The following NFKB1 variants were observed in gnomAD, a reference collection of about 807,000 sequenced individuals.
NFKB1 encodes nuclear factor kappa B subunit 1.
In NFKB1, 9 loss-of-function variants were observed where a neutral mutation model predicts 105.1. That is an observed-to-expected ratio of 0.09 (90% CI 0.05 to 0.15). The LOEUF (loss-of-function observed/expected upper bound fraction) is 0.15, where lower values mean the gene tolerates loss of function less well. NFKB1 is among the 10% of genes least tolerant of loss of function. The pLI is 1.00. For missense variants in NFKB1, 830 were observed against 1,203.7 expected (o/e 0.69, Z 4.59); for synonymous variants, 440 against 442.2 (o/e 1.00, Z 0.06).
intron 8 of NFKB1, among the ~76,000 whole-genome samples, chr4:102,580,140 T>G (rs1172479797): frequency 6.6e-6 from 1 of 152,212 alleles, no homozygotes; most frequent in Non-Finnish European, 1.5e-5. Flanking sequence ...CCTAAAGTTT[T>G]TAGGACTCTT....
intron 16 of NFKB1, among the ~76,000 whole-genome samples, chr4:102,602,690 T>C (rs1263685313): frequency 6.6e-6 from 1 of 152,190 alleles, no homozygotes; most frequent in East Asian, 1.9e-4. Flanking sequence ...TCAATATAAG[T>C]CACCATTAGG....
In NFKB1 at chr4:102,613,997, G is replaced by A. The variant is rs929593989; in HGVS notation, c.2749+416G>A. Among the ~76,000 whole-genome samples the A allele has an allele frequency of 9.2e-5, 14 of 152,064 alleles. No individual in the cohort carries two copies. The South Asian group carries it at 1.9e-3, about 20-fold the overall frequency. ...TACGTGTCATGCCACCAAAAGTCTC[G>A]CAACCATATGAAATGGACTCTCAAC... On this transcript the variant is annotated intron_variant, in intron 23 of 23. Transcript: ENST00000226574.
chr4:102,527,124 A>G (rs1004896055), intron 2 of NFKB1, among the ~76,000 whole-genome samples: 1 of 152,188 alleles, frequency 6.6e-6, no homozygotes, highest in Non-Finnish European at 1.5e-5. Context: ...ACATTGGCTT[A>G]GTGGGGAAAA....
chr4:102,567,218 C>T, intron 6 of NFKB1, 83 bp downstream of exon 6: 1 of 1,420,396 alleles, frequency 7.0e-7, no homozygotes, highest in Non-Finnish European at 9.7e-7. Flanking sequence ...AGGCCCCTTT[C>T]ATTAGGGACC....
intron 12 of NFKB1, among the ~76,000 whole-genome samples, chr4:102,594,127 G>T (rs746755120): frequency 6.6e-5 from 10 of 152,146 alleles, no homozygotes; most frequent in Non-Finnish European, 1.3e-4. Flanking sequence ...TTTGCACCAT[G>T]ACTGTGTGTA....
intron 1 of NFKB1, among the ~76,000 whole-genome samples, chr4:102,502,320 A>C (rs777876107): frequency 2.6e-5 from 4 of 151,364 alleles, no homozygotes; most frequent in African/African-American, 9.7e-5. Context: ...TCCTACTTCT[A>C]AAAGAAACCT....
chr4:102,608,565 A>G (rs1314985867), intron 19 of NFKB1, among the ~76,000 whole-genome samples: 2 of 152,184 alleles, frequency 1.3e-5, no homozygotes, highest in African/African-American at 4.8e-5. Flanking sequence ...TGATCTTTGA[A>G]TCTCCAGTGC....
At chr4:102,613,201 A>G (rs1728591101) in intron 22 of NFKB1, among the ~76,000 whole-genome samples, 1 of 152,094 alleles carries the variant, frequency 6.6e-6, no homozygotes, top group South Asian at 2.1e-4. Flanking sequence ...TCTGCTTACT[A>G]CAAACCACTT....
At position 102,597,431 on chromosome 4, in the gene NFKB1, CTGA is replaced by C. The variant is rs377155837; in HGVS notation, c.1496-86_1496-84del. 995 of 1,334,382 alleles carry C rather than the reference CTGA, an allele frequency of 7.5e-4. 7 individuals carry two copies. In the African/African-American group the frequency reaches 0.013, roughly 18 times the overall value. The allele number at this position is 1,334,382 out of a possible 1,614,324, so 82.7% of individuals were successfully genotyped here. ...AATGATATGTCAAGGTGTCAGAACA[CTGA>C]TGCTGGTCAGTTTGTCCTTAAGCAT... On this transcript the variant is annotated intron_variant, in intron 14 of 23. Transcript: ENST00000226574.
chr4:102,572,526 C>T (rs2149175878), intron 6 of NFKB1, among the ~76,000 whole-genome samples: 1 of 152,226 alleles, frequency 6.6e-6, no homozygotes, highest in East Asian at 1.9e-4. Flanking sequence ...AAAGAAAAAG[C>T]ACCACACTGC....
intron 5 of NFKB1, among the ~76,000 whole-genome samples, chr4:102,560,357 T>G (rs549530221): frequency 6.6e-6 from 1 of 152,266 alleles, no homozygotes; most frequent in African/African-American, 2.4e-5. Context: ...GATAAAACTT[T>G]CAGAGCAAAG....
At chr4:102,511,159 A>G (rs956318777) in intron 1 of NFKB1, among the ~76,000 whole-genome samples, 1 of 152,076 alleles carries the variant, frequency 6.6e-6, no homozygotes, top group African/African-American at 2.4e-5. Context: ...ATATATGTTT[A>G]TGGTACACAA....
chr4:102,521,870 A>G (rs372415481), intron 1 of NFKB1, among the ~76,000 whole-genome samples: 2 of 152,216 alleles, frequency 1.3e-5, no homozygotes, highest in East Asian at 1.9e-4. Flanking sequence ...TATGTTTTTC[A>G]TGTGAAAAAA....
intron 15 of NFKB1, among the ~76,000 whole-genome samples, chr4:102,598,020 C>A (rs1327774364): frequency 6.6e-6 from 1 of 152,158 alleles, no homozygotes; most frequent in Non-Finnish European, 1.5e-5. Context: ...GCATTGTTAT[C>A]CCAGCTGCAT....
chr4:102,594,449 T>C (rs1726437254), intron 12 of NFKB1, among the ~76,000 whole-genome samples: 2 of 152,210 alleles, frequency 1.3e-5, no homozygotes, highest in Admixed American at 6.5e-5. Flanking sequence ...AGTTTATGCT[T>C]CCACCAAAAA....
chr4:102,517,527 T>G (rs1317962288), intron 1 of NFKB1, among the ~76,000 whole-genome samples: 1 of 152,176 alleles, frequency 6.6e-6, no homozygotes, highest in Non-Finnish European at 1.5e-5. Flanking sequence ...AAAACTCCCA[T>G]CTCTACTTTT....
chr4:102,612,000 T>A, intron 20 of NFKB1, 44 bp from the exon 21 acceptor site: 1 of 1,507,320 alleles, frequency 6.6e-7, no homozygotes, highest in Non-Finnish European at 9.2e-7. Flanking sequence ...GCCCTAGTGG[T>A]CCCTTCGATG....
intron 5 of NFKB1, among the ~76,000 whole-genome samples, chr4:102,539,170 G>A (rs904204039): frequency 6.7e-6 from 1 of 148,606 alleles, no homozygotes; most frequent in African/African-American, 2.5e-5. Context: ...CTGGGAAGCG[G>A]AGGTTGCAGT....
In NFKB1 at chr4:102,590,137, G is replaced by A. The variant is rs114671263; in HGVS notation, c.1067-3288G>A. ...CATCCACCCCATTTTTATTATCCTG[G>A]TGACCACTAAGGAATGGGCCTCCAT... is the stretch of plus-strand genomic sequence containing the variant. On this transcript the variant is annotated intron_variant, in intron 11 of 23. Transcript: ENST00000226574. Among the ~76,000 whole-genome samples, 479 of 152,150 alleles carry A rather than the reference G, an allele frequency of 3.1e-3. 2 individuals are homozygous for A. Among genetic ancestry groups the A allele is most frequent in the African/African-American group, 0.011 (442 of 41,504 alleles).
Sources: gnomAD v4.1 joint callset for allele counts (sites outside exome capture counted in the v4.1 genomes callset) on GRCh38, gnomAD v4.1.1 for gene constraint, MANE v1.5 for transcripts, NCBI Gene and HGNC (gene_info 2026-07-23, HGNC 2026-07-21) for gene names.